SLC25A30: variants seen among roughly 807,000 people sequenced by gnomAD.
SLC25A30 encodes solute carrier family 25 member 30.
Under a neutral mutation model 42.7 loss-of-function variants are expected in SLC25A30, and 29 were observed. The observed-to-expected ratio is 0.68, with a 90% CI of 0.51 to 0.93. SLC25A30 has a LOEUF of 0.93. Among genes scored for constraint, SLC25A30 ranks in the 40% least tolerant of loss-of-function variants. The pLI is 0.00. For missense variants in SLC25A30, 300 were observed against 359.7 expected, an observed-to-expected ratio of 0.83 and a Z score of 1.34; for synonymous variants, 124 against 131.0, an observed-to-expected ratio of 0.95 and a Z score of 0.37.
At chr13:45,409,268 T>C (rs1313251866) in intron 2 of SLC25A30, among the ~76,000 whole-genome samples, 194 bp from the exon 3 acceptor site, 2 of 152,170 alleles carry the variant, frequency 1.3e-5, no homozygotes, top group African/African-American at 2.4e-5. Flanking sequence ...AAAAAATGCA[T>C]AGATATATTT....
At chr13:45,398,064 C>A (rs779423889) in intron 8 of SLC25A30, 14 of 985,114 alleles carry the variant, frequency 1.4e-5, no homozygotes, top group Non-Finnish European at 1.7e-5. Context: ...TAAGGCAACA[C>A]CTGAAGAATA....
At chr13:45,412,127 GT>G (rs72141611) in intron 1 of SLC25A30, among the ~76,000 whole-genome samples, 22,678 of 147,142 alleles carry the variant, frequency 0.15, 1,971 homozygotes, top group African/African-American at 0.23. Flanking sequence ...TTCTTTTTTT[GT>G]TTTTTTTTTA....
At chr13:45,423,983 ATT>A in the SLC25A30 span, among the ~76,000 whole-genome samples, 2 of 89,844 alleles carry the variant, frequency 2.2e-5, no homozygotes, top group African/African-American at 9.1e-5. Context: ...AACAATATAT[ATT>A]TATATAAATA....
At chr13:45,423,811 T>TG in the SLC25A30 span, among the ~76,000 whole-genome samples, 1 of 38,600 alleles carries the variant, frequency 2.6e-5, no homozygotes, top group Non-Finnish European at 5.5e-5. Flanking sequence ...TTTATATATA[T>TG]AAAAATATAA....
upstream of SLC25A30, among the ~76,000 whole-genome samples, chr13:45,422,486 T>G (rs1305649797): frequency 6.6e-6 from 1 of 152,148 alleles, no homozygotes; most frequent in Non-Finnish European, 1.5e-5. Context: ...CATAAAATTC[T>G]TTATCATTAT....
the SLC25A30 span, among the ~76,000 whole-genome samples, chr13:45,427,244 C>T: frequency 6.6e-6 from 1 of 152,148 alleles, no homozygotes; most frequent in Non-Finnish European, 1.5e-5. Context: ...GTCTCTCAAT[C>T]CTCTGTCTCT....
At chr13:45,433,611 G>A in the SLC25A30 span, among the ~76,000 whole-genome samples, 1 of 152,190 alleles carries the variant, frequency 6.6e-6, no homozygotes, top group Non-Finnish European at 1.5e-5. Context: ...CATGAGTTTA[G>A]CACGAGGACT....
chr13:45,401,070 G>T lies in SLC25A30; in HGVS notation c.614+13C>A. 1 of 1,580,080 alleles carries T rather than the reference G, an allele frequency of 6.3e-7. No individual in the cohort carries two copies. The highest frequency in any genetic ancestry group is 8.6e-7 in the Non-Finnish European group (1 of 1,165,182). On this transcript the variant is annotated intron_variant, in intron 7 of 9. Coordinates refer to ENST00000519676, the MANE Select transcript of SLC25A30 (RefSeq NM_001010875.4). ...GAATTTCTATAATTTTTTAAAAAAAGCCATGAACATACAGGAAGTGGGTAT... is the reference window on the plus strand; with the variant it reads ...GAATTTCTATAATTTTTTAAAAAAATCCATGAACATACAGGAAGTGGGTAT...
chr13:45,403,179 C>T (rs911832124), intron 5 of SLC25A30, among the ~76,000 whole-genome samples: 1 of 152,158 alleles, frequency 6.6e-6, no homozygotes, highest in Non-Finnish European at 1.5e-5. Flanking sequence ...TCTCTTACCC[C>T]AACACTGGTA....
chr13:45,425,594 ATAC>A, the SLC25A30 span, among the ~76,000 whole-genome samples: 13 of 61,072 alleles, frequency 2.1e-4, 1 homozygote, highest in African/African-American at 7.1e-4. Flanking sequence ...AAATATATAT[ATAC>A]ATATATATAT....
chr13:45,394,432 CTG>C lies in SLC25A30; in HGVS notation c.*1540_*1541del. ...CTTCTATTCAGTCTCAACAAAGAGACTGGCCAGACTGGGAATTTGGCCGCACT... is the reference window on the plus strand; with the variant it reads ...CTTCTATTCAGTCTCAACAAAGAGACGCCAGACTGGGAATTTGGCCGCACT... On this transcript the variant is annotated 3_prime_UTR_variant, in exon 10 of 10. Coordinates refer to ENST00000519676, the MANE Select transcript of SLC25A30 (RefSeq NM_001010875.4). 1 of 985,420 alleles carries C rather than the reference CTG, an allele frequency of 1.0e-6. No individual in the cohort carries two copies. The highest frequency in any genetic ancestry group is 1.2e-6 in the Non-Finnish European group (1 of 829,938). The allele number at this position is 985,420 out of a possible 1,614,324, so 61.0% of individuals were successfully genotyped here. A position where few individuals can be genotyped will look rare whatever the true frequency, so the allele number is the denominator to read the frequency against.
intron 1 of SLC25A30, chr13:45,411,699 T>A: frequency 2.2e-6 from 1 of 451,480 alleles, no homozygotes; most frequent in Admixed American, 3.4e-5. Flanking sequence ...TAATTTTTAC[T>A]GTGACCTCAA....
chr13:45,404,987 A>T (rs1024966963), intron 4 of SLC25A30, among the ~76,000 whole-genome samples: 1 of 152,116 alleles, frequency 6.6e-6, no homozygotes, highest in African/African-American at 2.4e-5. Flanking sequence ...CAGTGGCACA[A>T]TCACAGCTCA....
At chr13:45,424,071 T>A in the SLC25A30 span, among the ~76,000 whole-genome samples, 345 of 86,838 alleles carry the variant, frequency 4.0e-3, 3 homozygotes, top group African/African-American at 0.016. Context: ...ATATATATAT[T>A]TATATAAATA....
Position 45,394,004 on chromosome 13 carries a change from C to T in SLC25A30, c.*1970G>A. On this transcript the variant is annotated 3_prime_UTR_variant, in exon 10 of 10. Coordinates refer to ENST00000519676, the MANE Select transcript of SLC25A30 (RefSeq NM_001010875.4). The stretch of plus-strand genomic sequence containing the variant: ...AAATTTTTCTACATTAAAAAAAGAG[C>T]ATTTCAAGAAAAGCAATCTTTAAAC... 1.0e-6 allele frequency: 1 copy of T among 984,826 alleles called. No individual in the cohort carries two copies. The highest frequency in any genetic ancestry group is 1.2e-6 in the Non-Finnish European group (1 of 829,502). The allele number at this position is 984,826 out of a possible 1,614,324, so 61.0% of individuals were successfully genotyped here.
At chr13:45,424,981 T>G in the SLC25A30 span, among the ~76,000 whole-genome samples, 2 of 70,272 alleles carry the variant, frequency 2.8e-5, no homozygotes, top group African/African-American at 1.3e-4. Context: ...TATAAGTATA[T>G]AAAAATATAT....
chr13:45,400,470 A>G (rs1881863119), intron 7 of SLC25A30, among the ~76,000 whole-genome samples: 1 of 152,246 alleles, frequency 6.6e-6, no homozygotes, highest in Middle Eastern at 3.4e-3. Context: ...GTCTGTAAGC[A>G]CTCAAAGATA....
intron 1 of SLC25A30, among the ~76,000 whole-genome samples, chr13:45,417,219 CAG>C (rs1422838833): frequency 2.0e-5 from 3 of 152,140 alleles, no homozygotes; most frequent in Non-Finnish European, 4.4e-5. Context: ...CCATGTTGGC[CAG>C]GCTGGTCTCG....
the SLC25A30 span, among the ~76,000 whole-genome samples, chr13:45,424,678 T>A: frequency 7.6e-5 from 5 of 65,762 alleles, no homozygotes; most frequent in African/African-American, 1.6e-4. Context: ...TATATATAGT[T>A]ATATATAGAT....
Sources: gnomAD v4.1 joint callset for allele counts (sites outside exome capture counted in the v4.1 genomes callset) on GRCh38, gnomAD v4.1.1 for gene constraint, MANE v1.5 for transcripts, NCBI Gene and HGNC (gene_info 2026-07-23, HGNC 2026-07-21) for gene names.